TMEM196: variants seen among roughly 807,000 people sequenced by gnomAD.
TMEM196 encodes the protein transmembrane protein 196.
A neutral mutation model predicts 20.0 loss-of-function variants in TMEM196; 17 were observed. The observed-to-expected ratio is 0.85, with a 90% CI of 0.58 to 1.27. The LOEUF (loss-of-function observed/expected upper bound fraction) is 1.27, where lower values mean the gene tolerates loss of function less well. Among genes scored for constraint, TMEM196 ranks in the 50% most tolerant of loss-of-function variants. The pLI is 0.00. For missense variants in TMEM196, 267 were observed against 223.0 expected (o/e 1.20, Z -1.26); for synonymous variants, 113 against 88.9 (o/e 1.27, Z -1.52).
chr7:19,746,162 A>T (rs1664469333), intron 1 of TMEM196, among the ~76,000 whole-genome samples: 1 of 152,176 alleles, frequency 6.6e-6, no homozygotes, highest in African/African-American at 2.4e-5. Context: ...AATGGAAAGG[A>T]GTTATATAGA....
intron 1 of TMEM196, among the ~76,000 whole-genome samples, chr7:19,757,337 CTTTTTT>C: frequency 1.4e-5 from 1 of 70,868 alleles, no homozygotes; most frequent in Non-Finnish European, 2.4e-5. Flanking sequence ...CCACACCCAG[CTTTTTT>C]TTTTTTTTTT....
Position 19,721,984 on chromosome 7 carries a change from G to A in TMEM196, c.*144C>T, listed in dbSNP as rs1783829044. ...TAGTGGATGCTCAGGAGAGATAAAT[G>A]CAAATGCAAAAACTGTTTTATTTTC... On this transcript the variant is annotated 3_prime_UTR_variant, in exon 5 of 5. Transcript: ENST00000405844. 1.1e-5 allele frequency: 12 copies of A among 1,073,392 alleles called. No individual in the cohort carries two copies. The highest frequency in any genetic ancestry group is 1.6e-5 in the African/African-American group (1 of 61,674). 66.5% of individuals were successfully genotyped at this position (1,073,392 alleles called of 1,614,324 possible).
chr7:19,720,326 G>A lies in TMEM196; in HGVS notation c.*1802C>T, dbSNP rs181131960. 1.3e-5 allele frequency: 2 copies of A among 152,110 alleles called. No individual in the cohort carries two copies. The highest frequency in any genetic ancestry group is 2.9e-5 in the Non-Finnish European group (2 of 67,896). The allele number at this position is 152,110 out of a possible 1,614,324, so 9.4% of individuals were successfully genotyped here. On this transcript the variant is annotated 3_prime_UTR_variant, in exon 5 of 5. Transcript: ENST00000405844. ...ATTTTAAGTGAGCTGATTTAAATAG[G>A]TTAAACGATGATCATGTTGCTATAA... is the stretch of plus-strand genomic sequence containing the variant.
chr7:19,753,187 G>A (rs1785061482), intron 1 of TMEM196, among the ~76,000 whole-genome samples: 1 of 152,028 alleles, frequency 6.6e-6, no homozygotes, highest in Non-Finnish European at 1.5e-5. Flanking sequence ...AATTCTCAGA[G>A]TACCTTTTTT....
chr7:19,747,280 T>A (rs201043146), intron 1 of TMEM196, among the ~76,000 whole-genome samples: 4 of 145,274 alleles, frequency 2.8e-5, no homozygotes, highest in South Asian at 2.2e-4. Flanking sequence ...TAAAATAAAA[T>A]AAAAATAAAA....
At position 19,724,321 on chromosome 7, in the gene TMEM196, G is replaced by C; in HGVS notation, c.492C>G (p.Pro164=). ...RLRAIEITDL[P]SCPVVPPTPE... is the part of the protein sequence containing the mutation. ...GTGTCGGGGGCACCACCGGGCAGCT[G>C]GGCAAGTCGGTTATTTCAATAGCCC... is the stretch of plus-strand genomic sequence containing the variant. Residue 164 remains proline, a synonymous_variant, in exon 4 of 5, where the codon CCC becomes CCG. Transcript: ENST00000405844. The C allele has an allele frequency of 6.5e-7, 1 of 1,550,256 alleles. No individual in the cohort carries two copies. The highest frequency in any genetic ancestry group is 1.2e-5 in the South Asian group (1 of 84,050).
At chr7:19,725,303 G>A in intron 3 of TMEM196, among the ~76,000 whole-genome samples, 1 of 152,118 alleles carries the variant, frequency 6.6e-6, no homozygotes, top group Non-Finnish European at 1.5e-5. Flanking sequence ...CTGTGTTTTT[G>A]AATAGACAGA....
At chr7:19,765,796 A>G (rs1785604734) in intron 1 of TMEM196, among the ~76,000 whole-genome samples, 1 of 152,312 alleles carries the variant, frequency 6.6e-6, no homozygotes, top group Middle Eastern at 3.4e-3. Flanking sequence ...ATATTTTGGT[A>G]CATTTTCATA....
intron 1 of TMEM196, among the ~76,000 whole-genome samples, chr7:19,752,660 G>T (rs1785035599): frequency 6.6e-6 from 1 of 151,562 alleles, no homozygotes; most frequent in African/African-American, 2.4e-5. Flanking sequence ...TGTCACCCAG[G>T]CTGGAGTGCA....
At chr7:19,772,250 G>A (rs1475314095) in intron 1 of TMEM196, among the ~76,000 whole-genome samples, 2 of 141,100 alleles carry the variant, frequency 1.4e-5, no homozygotes, top group Admixed American at 1.5e-4. Context: ...ACTGGGCAAA[G>A]CAGCCTTTTG....
intron 1 of TMEM196, among the ~76,000 whole-genome samples, chr7:19,734,912 A>G (rs1784344484): frequency 6.6e-6 from 1 of 152,224 alleles, no homozygotes; most frequent in Admixed American, 6.5e-5. Flanking sequence ...TAAATAGGGA[A>G]AGCTATCAGA....
chr7:19,771,594 A>T (rs1027008763), intron 1 of TMEM196, among the ~76,000 whole-genome samples: 4 of 152,220 alleles, frequency 2.6e-5, no homozygotes, highest in African/African-American at 9.6e-5. Context: ...CTATTGAATT[A>T]TCTTGAAAAG....
At chr7:19,729,198 G>A (rs770015404) in intron 2 of TMEM196, among the ~76,000 whole-genome samples, 184 bp downstream of exon 2, 7 of 149,144 alleles carry the variant, frequency 4.7e-5, no homozygotes, top group Non-Finnish European at 8.9e-5. Context: ...TTTTGTCATA[G>A]TTTCTAATAA....
intron 1 of TMEM196, among the ~76,000 whole-genome samples, chr7:19,764,427 A>T (rs1028751397): frequency 6.6e-6 from 1 of 152,138 alleles, no homozygotes; most frequent in Non-Finnish European, 1.5e-5. Flanking sequence ...TTTTACATGA[A>T]CATGTCTCAC....
In TMEM196 at chr7:19,725,511, C is replaced by T; in HGVS notation, c.459+3G>A. 1.2e-6 allele frequency: 2 copies of T among 1,601,252 alleles called. No individual in the cohort carries two copies. Among genetic ancestry groups the T allele is most frequent in the Non-Finnish European group, 1.7e-6 (2 of 1,169,280 alleles). On this transcript the variant is annotated splice_donor_region_variant and intron_variant, in intron 3 of 4. Coordinates refer to ENST00000405844, the MANE Select transcript of TMEM196 (RefSeq NM_001363562.2). The stretch of plus-strand genomic sequence containing the variant: ...CAGTGAGAGGAAAAGGTACAAAACT[C>T]ACTTTCTCAGCCATTTCATGAGAGT...
intron 1 of TMEM196, among the ~76,000 whole-genome samples, chr7:19,744,467 C>A (rs752303613): frequency 6.6e-6 from 1 of 152,068 alleles, no homozygotes; most frequent in African/African-American, 2.4e-5. Flanking sequence ...TAACAGTGTG[C>A]TTTTACTGAA....
chr7:19,724,835 C>G (rs1012585983), intron 3 of TMEM196, among the ~76,000 whole-genome samples: 3 of 152,028 alleles, frequency 2.0e-5, no homozygotes, highest in African/African-American at 7.2e-5. Flanking sequence ...GTAGGAGAAA[C>G]CGAATTAAGG....
At chr7:19,766,464 G>C (rs1412533157) in intron 1 of TMEM196, among the ~76,000 whole-genome samples, 2 of 151,606 alleles carry the variant, frequency 1.3e-5, no homozygotes, top group African/African-American at 4.8e-5. Flanking sequence ...GCTGGACCTA[G>C]TTATTTAGGT....
Position 19,752,338 on chromosome 7 carries a change from C to T in TMEM196, c.147+20212G>A, listed in dbSNP as rs118066838. Among the ~76,000 whole-genome samples the T allele has an allele frequency of 1.2e-3, 181 of 152,296 alleles. 3 individuals are homozygous for T. The East Asian group carries it at 0.033, about 28-fold the overall frequency. On this transcript the variant is annotated intron_variant, in intron 1 of 4. Coordinates refer to ENST00000405844, the MANE Select transcript of TMEM196 (RefSeq NM_001363562.2). ...TACTCTTATTACTGTTCTCTCAAAA[C>T]TCAAAGACACTATTGATTCCCCTCT...
Sources: allele counts gnomAD v4.1 joint callset (sites outside exome capture counted in the v4.1 genomes callset), GRCh38; gene constraint gnomAD v4.1.1; transcripts MANE v1.5; gene names NCBI Gene and HGNC (gene_info 2026-07-23, HGNC 2026-07-21).